The following CSMD1 variants were observed in gnomAD, a reference collection of about 807,000 sequenced individuals.
The protein encoded by CSMD1 is CUB and sushi domain-containing protein 1.
Under a neutral mutation model 417.5 loss-of-function variants are expected in CSMD1, and 213 were observed. The ratio of observed to expected loss-of-function variants is 0.51; its 90% CI spans 0.46 to 0.57. The LOEUF is 0.57. CSMD1 is among the 20% of genes least tolerant of loss of function. The pLI is 0.00. For synonymous variants in CSMD1, 2,862 were observed against 1,736.8 expected (o/e 1.65, Z -16.11); for missense variants, 6,923 against 4,529.7 (o/e 1.53, Z -15.17).
intron 10 of CSMD1, among the ~76,000 whole-genome samples, chr8:3,524,494 TACAC>T (rs774426389): frequency 7.5e-6 from 1 of 133,920 alleles, no homozygotes; most frequent in Non-Finnish European, 1.6e-5. Context: ...CACACACAAG[TACAC>T]ACATGCACAG....
intron 27 of CSMD1, among the ~76,000 whole-genome samples, chr8:3,229,420 T>A (rs149381218): frequency 1.3e-5 from 2 of 152,316 alleles, no homozygotes; most frequent in African/African-American, 4.8e-5. Flanking sequence ...TTACATAAAA[T>A]ATATATTAGC....
chr8:3,483,592 TAACAA>T (rs1023330307), intron 11 of CSMD1, among the ~76,000 whole-genome samples: 1 of 151,830 alleles, frequency 6.6e-6, no homozygotes, highest in African/African-American at 2.4e-5. Flanking sequence ...TTGCAGAAAA[TAACAA>T]AAGAGAAAAT....
At chr8:3,610,804 G>T (rs988194832) in intron 8 of CSMD1, among the ~76,000 whole-genome samples, 1 of 151,980 alleles carries the variant, frequency 6.6e-6, no homozygotes, top group Non-Finnish European at 1.5e-5. Context: ...TGGAAAGGTG[G>T]AATTTTAGAA....
intron 2 of CSMD1, among the ~76,000 whole-genome samples, chr8:4,461,024 G>C (rs186112676): frequency 1.9e-4 from 29 of 152,148 alleles, no homozygotes; most frequent in African/African-American, 6.3e-4. Flanking sequence ...AACAAATCAA[G>C]AAATTCAGAT....
intron 1 of CSMD1, among the ~76,000 whole-genome samples, chr8:4,960,446 C>T (rs1235098537): frequency 1.3e-5 from 2 of 152,192 alleles, no homozygotes; most frequent in Non-Finnish European, 2.9e-5. Context: ...TTTCACCTGG[C>T]ATGTGCTGGG....
intron 3 of CSMD1, among the ~76,000 whole-genome samples, chr8:4,231,661 T>C (rs1801742147): frequency 6.6e-6 from 1 of 152,220 alleles, no homozygotes; most frequent in Non-Finnish European, 1.5e-5. Flanking sequence ...ATAAGTAGGC[T>C]ATTAACTACA....
At chr8:3,552,503 C>T (rs973190336) in intron 10 of CSMD1, among the ~76,000 whole-genome samples, 3 of 152,140 alleles carry the variant, frequency 2.0e-5, no homozygotes, top group African/African-American at 4.8e-5. Context: ...TCTCAGAAAA[C>T]ATTGCTAAAG....
intron 5 of CSMD1, among the ~76,000 whole-genome samples, chr8:3,951,870 A>C (rs1292392520): frequency 2.0e-5 from 3 of 152,096 alleles, no homozygotes; most frequent in Non-Finnish European, 4.4e-5. Flanking sequence ...CTTGCACATT[A>C]AACTACATAA....
chr8:3,883,963 G>T (rs561235993), intron 5 of CSMD1, among the ~76,000 whole-genome samples: 1 of 152,196 alleles, frequency 6.6e-6, no homozygotes, highest in East Asian at 1.9e-4. Context: ...TAGATATAGA[G>T]TGTGCACATA....
chr8:4,682,938 G>T, intron 1 of CSMD1, among the ~76,000 whole-genome samples: 1 of 129,474 alleles, frequency 7.7e-6, no homozygotes. Context: ...CATTTCTTTA[G>T]GAGCAATAAG....
At chr8:3,833,056 G>A (rs190685160) in intron 5 of CSMD1, among the ~76,000 whole-genome samples, 97 of 152,210 alleles carry the variant, frequency 6.4e-4, no homozygotes, top group African/African-American at 2.2e-3. Flanking sequence ...TCCATTTCAT[G>A]GCAGCTGTTT....
chr8:3,099,124 G>A (rs1585344795), intron 46 of CSMD1, among the ~76,000 whole-genome samples: 1 of 151,640 alleles, frequency 6.6e-6, no homozygotes. Context: ...ACATTTCTAA[G>A]CCTTATCCAA....
chr8:4,376,724 A>T (rs1584980578), intron 3 of CSMD1, among the ~76,000 whole-genome samples: 1 of 152,282 alleles, frequency 6.6e-6, no homozygotes, highest in Admixed American at 6.5e-5. Flanking sequence ...ATTGCATTTT[A>T]ACTTGCACTG....
chr8:3,525,219 C>A (rs952510468), intron 10 of CSMD1, among the ~76,000 whole-genome samples: 2 of 152,094 alleles, frequency 1.3e-5, no homozygotes, highest in African/African-American at 4.8e-5. Flanking sequence ...AGGATTTGAC[C>A]TTCCTTAGGG....
Position 4,341,311 on chromosome 8 carries a change from A to G in CSMD1, c.415+78642T>C, listed in dbSNP as rs149911354. On this transcript the variant is annotated intron_variant, in intron 3 of 69. Transcript: ENST00000635120. ...TCAGGCTCAAATATATTAAGCAATC[A>G]ATCATATCACTAGGTAAAAGTTTTT... Among the ~76,000 whole-genome samples the G allele has an allele frequency of 1.6e-3, 248 of 152,236 alleles. 6 individuals are homozygous for G. The East Asian group carries it at 0.044, about 27-fold the overall frequency.
At chr8:3,542,213 C>G (rs1585332699) in intron 10 of CSMD1, among the ~76,000 whole-genome samples, 1 of 152,224 alleles carries the variant, frequency 6.6e-6, no homozygotes, top group Non-Finnish European at 1.5e-5. Context: ...ATACTTACCT[C>G]TTATTAATCA....
intron 9 of CSMD1, among the ~76,000 whole-genome samples, chr8:3,583,779 T>A (rs977895981): frequency 2.0e-5 from 3 of 152,046 alleles, no homozygotes; most frequent in African/African-American, 7.2e-5. Flanking sequence ...TGCGCAGCCA[T>A]GCCCTGAAAC....
chr8:3,081,296 A>G (rs1166854339), intron 49 of CSMD1, among the ~76,000 whole-genome samples: 5 of 152,244 alleles, frequency 3.3e-5, no homozygotes, highest in Non-Finnish European at 5.9e-5. Context: ...GCATTCAGGA[A>G]GTTTATAAAT....
At chr8:4,939,661 G>A (rs1807851133) in intron 1 of CSMD1, among the ~76,000 whole-genome samples, 1 of 152,172 alleles carries the variant, frequency 6.6e-6, no homozygotes, top group Admixed American at 6.5e-5. Flanking sequence ...AAGGAATTGG[G>A]AGATACTGGC....
Sources: gnomAD v4.1 joint callset for allele counts (sites outside exome capture counted in the v4.1 genomes callset) on GRCh38, gnomAD v4.1.1 for gene constraint, MANE v1.5 for transcripts, NCBI Gene and HGNC (gene_info 2026-07-23, HGNC 2026-07-21) for gene names.